SEL1L2: variants seen among roughly 807,000 people sequenced by gnomAD.
The protein encoded by SEL1L2 is SEL1L2 adaptor subunit of SYVN1 ubiquitin ligase.
In SEL1L2, 89 loss-of-function variants were observed where a neutral mutation model predicts 98.8. The observed-to-expected ratio is 0.90, with a 90% CI of 0.76 to 1.07. The LOEUF (loss-of-function observed/expected upper bound fraction) is 1.07, where lower values mean the gene tolerates loss of function less well. Among genes scored for constraint, SEL1L2 ranks in the 50% least tolerant of loss-of-function variants. The probability of loss-of-function intolerance (pLI) is 0.00; values close to 1 mark genes in which losing one functional copy is unlikely to be tolerated. For synonymous variants in SEL1L2, 262 were observed against 278.5 expected, an observed-to-expected ratio of 0.94 and a Z score of 0.59; for missense variants, 788 against 812.0, an observed-to-expected ratio of 0.97 and a Z score of 0.36.
intron 2 of SEL1L2, among the ~76,000 whole-genome samples, chr20:13,933,074 G>A (rs1489048970): frequency 6.6e-6 from 1 of 152,060 alleles, no homozygotes; most frequent in African/African-American, 2.4e-5. Flanking sequence ...GCCAGGCCTG[G>A]TGGTGTGTGC....
chr20:13,971,156 T>A (rs958728651), intron 1 of SEL1L2, among the ~76,000 whole-genome samples: 1 of 152,062 alleles, frequency 6.6e-6, no homozygotes. Context: ...TAGGAATTCC[T>A]TATATGTTCT....
At chr20:13,929,594 G>A (rs1305678885) in intron 3 of SEL1L2, among the ~76,000 whole-genome samples, 3 of 126,968 alleles carry the variant, frequency 2.4e-5, no homozygotes, top group East Asian at 2.8e-4. Flanking sequence ...TCCGCCTCCC[G>A]GGTTCACGTC....
At chr20:13,995,273 CA>C, upstream of SEL1L2, 1 of 232,326 alleles carries the variant, frequency 4.3e-6, no homozygotes, top group Non-Finnish European at 8.5e-6. The surrounding 1 kb of genome is among the most constrained non-coding windows in gnomAD (Gnocchi z 4.3). Flanking sequence ...AGGACAGCTC[CA>C]GCCCCCTCGC....
intron 2 of SEL1L2, among the ~76,000 whole-genome samples, chr20:13,947,931 C>T (rs2050093419): frequency 1.3e-5 from 2 of 152,246 alleles, no homozygotes; most frequent in African/African-American, 4.8e-5. Context: ...CGTGCTCACT[C>T]ATGCACCCTT....
chr20:13,973,728 A>G (rs535293845), intron 1 of SEL1L2, among the ~76,000 whole-genome samples: 1 of 152,224 alleles, frequency 6.6e-6, no homozygotes, highest in East Asian at 1.9e-4. Context: ...GCCTATGATG[A>G]AGTTGTCTTT....
intron 12 of SEL1L2, among the ~76,000 whole-genome samples, chr20:13,870,545 C>T (rs1378795463): frequency 2.0e-5 from 3 of 152,126 alleles, no homozygotes; most frequent in African/African-American, 2.4e-5. Context: ...AGAGTTCACA[C>T]GCTAGGGGGC....
intron 3 of SEL1L2, among the ~76,000 whole-genome samples, chr20:13,923,406 T>C (rs1251827627): frequency 6.6e-6 from 1 of 152,244 alleles, no homozygotes; most frequent in Admixed American, 6.5e-5. Flanking sequence ...TCAGTTTATG[T>C]TGAAACTTGT....
At chr20:13,879,247 C>T (rs918953080) in intron 10 of SEL1L2, among the ~76,000 whole-genome samples, 10 of 152,108 alleles carry the variant, frequency 6.6e-5, no homozygotes, top group Non-Finnish European at 1.0e-4. Context: ...GTGATTACTT[C>T]GGCGTGGCTG....
At chr20:13,959,754 T>C (rs1280203247) in intron 1 of SEL1L2, among the ~76,000 whole-genome samples, 1 of 152,190 alleles carries the variant, frequency 6.6e-6, no homozygotes, top group Non-Finnish European at 1.5e-5. Flanking sequence ...TAAACAAACT[T>C]ATTTCTCCTT....
At chr20:13,872,640 A>T (rs929193565) in intron 12 of SEL1L2, among the ~76,000 whole-genome samples, 1 of 152,150 alleles carries the variant, frequency 6.6e-6, no homozygotes. Flanking sequence ...GAGGGAAGGA[A>T]GAAGGGAGAG....
intron 2 of SEL1L2, among the ~76,000 whole-genome samples, chr20:13,944,962 C>T (rs1472322960): frequency 6.6e-6 from 1 of 152,086 alleles, no homozygotes; most frequent in African/African-American, 2.4e-5. Context: ...CTGAAGGCCT[C>T]CTTAGTCTGT....
intron 5 of SEL1L2, among the ~76,000 whole-genome samples, chr20:13,891,663 C>CAAAAAAAAAAAA (rs61545047): frequency 1.3e-5 from 1 of 74,246 alleles, no homozygotes; most frequent in Non-Finnish European, 2.4e-5. Flanking sequence ...AAGACTCCAT[C>CAAAAAAAAAAAA]AAAAAAAAAA....
intron 1 of SEL1L2, among the ~76,000 whole-genome samples, chr20:13,974,538 G>C (rs2051445778): frequency 7.1e-6 from 1 of 139,928 alleles, no homozygotes; most frequent in South Asian, 2.3e-4. Context: ...GAGTGCAGTG[G>C]CATGATCCTG....
intron 1 of SEL1L2, among the ~76,000 whole-genome samples, chr20:13,977,780 G>A (rs1871606344): frequency 6.6e-6 from 1 of 152,002 alleles, no homozygotes; most frequent in Admixed American, 6.6e-5. Flanking sequence ...CCAAAAAGTA[G>A]TAGTAATTGT....
intron 12 of SEL1L2, among the ~76,000 whole-genome samples, chr20:13,874,793 A>C (rs1244210429): frequency 6.6e-6 from 1 of 152,190 alleles, no homozygotes; most frequent in East Asian, 1.9e-4. Flanking sequence ...GTGGGTTTTT[A>C]AAAACTGAGA....
intron 3 of SEL1L2, 87 bp downstream of exon 3, chr20:13,931,516 A>G (rs2049143693): frequency 1.2e-6 from 1 of 821,922 alleles, no homozygotes; most frequent in East Asian, 3.1e-5. Context: ...ACTATATCCT[A>G]AGACTTCTCA....
chr20:13,928,616 C>G (rs1343063920), intron 3 of SEL1L2, among the ~76,000 whole-genome samples: 1 of 152,066 alleles, frequency 6.6e-6, no homozygotes, highest in African/African-American at 2.4e-5. Flanking sequence ...TAAATTTGGC[C>G]CATCTTGCTA....
At chr20:13,938,992 T>G (rs967994933) in intron 2 of SEL1L2, among the ~76,000 whole-genome samples, 1 of 151,430 alleles carries the variant, frequency 6.6e-6, no homozygotes, top group African/African-American at 2.4e-5. Context: ...ATCATTTGTT[T>G]TATTGAAATA....
At chr20:13,932,441 A>ATT (rs1243063773) in intron 2 of SEL1L2, among the ~76,000 whole-genome samples, 50 of 64,482 alleles carry the variant, frequency 7.8e-4, no homozygotes, top group Non-Finnish European at 1.4e-3. Flanking sequence ...TATTATTATT[A>ATT]TTATTTTTTG....
Sources: allele counts gnomAD v4.1 joint callset (sites outside exome capture counted in the v4.1 genomes callset), GRCh38; gene constraint gnomAD v4.1.1; non-coding constraint Gnocchi (gnomAD v3.1); transcripts MANE v1.5; gene names NCBI Gene and HGNC (gene_info 2026-07-23, HGNC 2026-07-21).